The following ELAVL2 variants were observed in gnomAD, a reference collection of about 807,000 sequenced individuals.
ELAVL2 encodes ELAV-like protein 2.
ELAVL2 carries 4 observed loss-of-function variants against 34.6 expected under a neutral mutation model. The observed-to-expected ratio is 0.12, with a 90% CI of 0.06 to 0.26. The LOEUF (loss-of-function observed/expected upper bound fraction) is 0.26, where lower values mean the gene tolerates loss of function less well. Ranked by LOEUF, ELAVL2 falls within the 10% of genes least tolerant of loss-of-function variation. The pLI, the probability that ELAVL2 is intolerant of heterozygous loss-of-function variation, is 1.00. For missense variants in ELAVL2, 432 were observed against 442.8 expected (o/e 0.98, Z 0.22); for synonymous variants, 193 against 154.8 (o/e 1.25, Z -1.83).
At chr9:23,731,214 AAC>A in intron 2 of ELAVL2, 89 bp from the exon 3 acceptor site, 1 of 1,035,090 alleles carries the variant, frequency 9.7e-7, no homozygotes, top group East Asian at 2.6e-5. Context: ...TCTTGTCATT[AAC>A]ACCAGCATAT....
intron 1 of ELAVL2, among the ~76,000 whole-genome samples, chr9:23,795,415 T>C (rs1026133982): frequency 1.3e-5 from 2 of 152,170 alleles, no homozygotes; most frequent in Admixed American, 6.5e-5. Flanking sequence ...TGGTGGTACA[T>C]GGCTGTAGTC....
Position 23,788,145 on chromosome 9 carries a change from G to C in ELAVL2, c.-15-25896C>G, listed in dbSNP as rs117107295. 4.8e-3 allele frequency among the ~76,000 whole-genome samples: 727 copies of C among 152,220 alleles called. 6 individuals are homozygous for C. Among genetic ancestry groups the C allele is most frequent in the Middle Eastern group, 0.021 (6 of 290 alleles). ...TGTAACCAATGGGTATGAATTTTAG[G>C]AAAATAAGGAAAAAATAACAGTTGA... On this transcript the variant is annotated intron_variant, in intron 1 of 6. Coordinates refer to ENST00000397312, the MANE Select transcript of ELAVL2 (RefSeq NM_004432.5).
upstream of ELAVL2, among the ~76,000 whole-genome samples, chr9:23,828,759 T>C (rs1348229390): frequency 6.6e-6 from 1 of 152,214 alleles, no homozygotes; most frequent in Non-Finnish European, 1.5e-5. Flanking sequence ...TTTTACTTCC[T>C]CATTAAAACA....
intron 1 of ELAVL2, among the ~76,000 whole-genome samples, chr9:23,796,053 TTTC>T (rs766429086): frequency 2.0e-4 from 30 of 152,348 alleles, no homozygotes; most frequent in Non-Finnish European, 3.5e-4. Flanking sequence ...CCTTCAATTG[TTTC>T]TTAATTTTTA....
At chr9:23,828,458 A>G (rs1322420860), upstream of ELAVL2, among the ~76,000 whole-genome samples, 2 of 152,196 alleles carry the variant, frequency 1.3e-5, no homozygotes, top group Non-Finnish European at 2.9e-5. Context: ...GATAACTGTG[A>G]TATCTGTAGA....
At chr9:23,810,257 T>C (rs1005394043) in intron 1 of ELAVL2, among the ~76,000 whole-genome samples, 28 of 152,128 alleles carry the variant, frequency 1.8e-4, no homozygotes, top group African/African-American at 6.5e-4. Flanking sequence ...CCAGCTGGCA[T>C]CAGAAAGTCA....
intron 2 of ELAVL2, among the ~76,000 whole-genome samples, chr9:23,758,575 T>C (rs557155160): frequency 5.9e-5 from 9 of 152,224 alleles, no homozygotes; most frequent in Non-Finnish European, 1.3e-4. Flanking sequence ...ATGTTTCTTT[T>C]AGGAATCATG....
At chr9:23,769,011 G>A (rs1024536257) in intron 1 of ELAVL2, among the ~76,000 whole-genome samples, 2 of 151,904 alleles carry the variant, frequency 1.3e-5, no homozygotes, top group African/African-American at 4.9e-5. Flanking sequence ...TAAACAGAGT[G>A]AACTTGGTCT....
At chr9:23,696,914 A>G (rs892833913) in intron 5 of ELAVL2, among the ~76,000 whole-genome samples, 1 of 151,572 alleles carries the variant, frequency 6.6e-6, no homozygotes, top group Non-Finnish European at 1.5e-5. Context: ...TTAAATATAT[A>G]TTTAAAATAA....
At chr9:23,705,390 A>G (rs989402115) in intron 3 of ELAVL2, among the ~76,000 whole-genome samples, 1 of 152,188 alleles carries the variant, frequency 6.6e-6, no homozygotes, top group African/African-American at 2.4e-5. Context: ...TCTGGGATCA[A>G]TTTGCGGAGG....
intron 2 of ELAVL2, among the ~76,000 whole-genome samples, chr9:23,736,179 T>A (rs561802562): frequency 6.6e-6 from 1 of 152,076 alleles, no homozygotes; most frequent in Admixed American, 6.6e-5. Flanking sequence ...GTAAAGGCAA[T>A]AGACTACCGT....
intron 5 of ELAVL2, among the ~76,000 whole-genome samples, chr9:23,699,549 A>G (rs1241667737): frequency 2.0e-5 from 3 of 152,180 alleles, no homozygotes; most frequent in African/African-American, 4.8e-5. Context: ...GGCCCCAAAG[A>G]GCTCTGAAAT....
chr9:23,740,638 A>C (rs1035508606), intron 2 of ELAVL2, among the ~76,000 whole-genome samples: 2 of 151,374 alleles, frequency 1.3e-5, no homozygotes, highest in African/African-American at 4.9e-5. Context: ...CCAAGAGACT[A>C]TCTGTGAAAG....
At chr9:23,738,051 T>G (rs2048309061) in intron 2 of ELAVL2, among the ~76,000 whole-genome samples, 1 of 152,202 alleles carries the variant, frequency 6.6e-6, no homozygotes, top group South Asian at 2.1e-4. Flanking sequence ...ACAATAAAGT[T>G]GCAAATATAT....
chr9:23,772,920 T>C (rs1041931571), intron 1 of ELAVL2, among the ~76,000 whole-genome samples: 1 of 152,192 alleles, frequency 6.6e-6, no homozygotes, highest in African/African-American at 2.4e-5. Context: ...AGTAACTTTA[T>C]TTCCTTTGGT....
At chr9:23,697,281 G>C (rs952636859) in intron 5 of ELAVL2, among the ~76,000 whole-genome samples, 1 of 152,132 alleles carries the variant, frequency 6.6e-6, no homozygotes, top group Non-Finnish European at 1.5e-5. Flanking sequence ...AGGGAGAGCC[G>C]ATTATTTCTC....
chr9:23,843,095 G>T, the ELAVL2 span, among the ~76,000 whole-genome samples: 1 of 152,034 alleles, frequency 6.6e-6, no homozygotes, highest in Non-Finnish European at 1.5e-5. Flanking sequence ...CCCCCAAGGG[G>T]AACAAAAATA....
intron 1 of ELAVL2, among the ~76,000 whole-genome samples, chr9:23,797,138 C>T (rs783460): frequency 0.99 from 151,041 of 152,302 alleles, 74,894 homozygotes; most frequent in Middle Eastern, 1. Context: ...CAGCTAACAA[C>T]AGGATTTGAA....
At chr9:23,780,739 C>T (rs1028864361) in intron 1 of ELAVL2, among the ~76,000 whole-genome samples, 20 of 152,150 alleles carry the variant, frequency 1.3e-4, no homozygotes, top group Admixed American at 1.3e-3. Flanking sequence ...CTAAGGCATC[C>T]ATTTATACCA....
Sources: gnomAD v4.1 joint callset for allele counts (sites outside exome capture counted in the v4.1 genomes callset) on GRCh38, gnomAD v4.1.1 for gene constraint, MANE v1.5 for transcripts, NCBI Gene and HGNC (gene_info 2026-07-23, HGNC 2026-07-21) for gene names.